ADD1: variants seen among roughly 807,000 people sequenced by gnomAD.
ADD1 encodes the protein adducin 1.
Under a neutral mutation model 80.5 loss-of-function variants are expected in ADD1, and 24 were observed. The ratio of observed to expected loss-of-function variants is 0.30; its 90% CI spans 0.22 to 0.42. The LOEUF (loss-of-function observed/expected upper bound fraction) is 0.42, where lower values mean the gene tolerates loss of function less well. Ranked by LOEUF, ADD1 falls within the 10% of genes least tolerant of loss-of-function variation. The pLI is 1.00. For missense variants in ADD1, 948 were observed against 1,019.0 expected (o/e 0.93, Z 0.95); for synonymous variants, 373 against 393.8 (o/e 0.95, Z 0.63).
At chr4:2,860,624 A>G (rs1378819394) in intron 1 of ADD1, among the ~76,000 whole-genome samples, 2 of 152,250 alleles carry the variant, frequency 1.3e-5, no homozygotes, top group African/African-American at 4.8e-5. Context: ...AGCTCTGTGA[A>G]TACAGTAGTG....
At chr4:2,892,937 G>C (rs557693276) in intron 4 of ADD1, among the ~76,000 whole-genome samples, 4 of 151,622 alleles carry the variant, frequency 2.6e-5, no homozygotes, top group Admixed American at 2.6e-4. Flanking sequence ...ATTTTTTTGA[G>C]ACAGGGTCTT....
intron 14 of ADD1, among the ~76,000 whole-genome samples, chr4:2,918,761 A>G (rs972023840): frequency 6.6e-6 from 1 of 151,816 alleles, no homozygotes; most frequent in African/African-American, 2.4e-5. Context: ...TTCTGCGTCT[A>G]TTGAGATAAT....
At chr4:2,928,093 G>A (rs1468069485) in intron 15 of ADD1, 78 bp from the exon 16 acceptor site, 6 of 1,310,244 alleles carry the variant, frequency 4.6e-6, no homozygotes, top group East Asian at 4.6e-5. Context: ...AGTTTCGTGT[G>A]TGGGGCTCCC....
chr4:2,928,326 G>GC lies in ADD1; in HGVS notation c.2207dup (p.Thr737TyrfsTer2). 6.2e-7 allele frequency: 1 copy of GC among 1,613,900 alleles called. No homozygotes were observed. The highest frequency in any genetic ancestry group is 1.7e-5 in the Admixed American group (1 of 60,008). On this transcript the variant is annotated frameshift_variant, in exon 16 of 16. Coordinates refer to ENST00000683351, the MANE Select transcript of ADD1 (RefSeq NM_001354761.2). LOFTEE classifies it high-confidence loss of function. Reference sequence around the variant, plus strand: ...CCATAGACCCCCAAGCCCCACTGAGGCCCCTACTGAGGCCAGCCCCGAGCC... The same window carrying GC: ...CCATAGACCCCCAAGCCCCACTGAGGCCCCCTACTGAGGCCAGCCCCGAGCC...
intron 13 of ADD1, among the ~76,000 whole-genome samples, chr4:2,912,488 A>G (rs1166054903): frequency 6.6e-6 from 1 of 152,098 alleles, no homozygotes; most frequent in Non-Finnish European, 1.5e-5. Flanking sequence ...AAAATTGGGA[A>G]CAAGGGTTTT....
chr4:2,918,859 T>G (rs1028449252), intron 14 of ADD1, among the ~76,000 whole-genome samples: 4 of 151,956 alleles, frequency 2.6e-5, no homozygotes, highest in Non-Finnish European at 5.9e-5. Flanking sequence ...GTTTTTTTTT[T>G]TTTCTTTCCT....
intron 1 of ADD1, among the ~76,000 whole-genome samples, chr4:2,849,167 C>G (rs1038367082): frequency 6.6e-6 from 1 of 152,180 alleles, no homozygotes; most frequent in African/African-American, 2.4e-5. Context: ...TAGTCCCTAT[C>G]TTACATGGTT....
intron 2 of ADD1, chr4:2,881,575 C>T (rs1007671167): frequency 1.1e-4 from 22 of 199,530 alleles, no homozygotes; most frequent in African/African-American, 5.1e-4. Context: ...TTGATTGAAA[C>T]GTAGGATGTT....
At chr4:2,853,616 T>A (rs963233767) in intron 1 of ADD1, 4 of 152,150 alleles carry the variant, frequency 2.6e-5, no homozygotes, top group Non-Finnish European at 5.9e-5. Flanking sequence ...TGTTTTTTTT[T>A]CTTTCAGACT....
chr4:2,903,102 GAGC>G (rs953677599), intron 9 of ADD1, among the ~76,000 whole-genome samples: 2 of 151,944 alleles, frequency 1.3e-5, no homozygotes, highest in African/African-American at 4.8e-5. Context: ...CCCCAAAAAA[GAGC>G]AGTACCCAGA....
intron 1 of ADD1, among the ~76,000 whole-genome samples, chr4:2,847,256 A>G (rs1726374477): frequency 6.6e-6 from 1 of 151,126 alleles, no homozygotes; most frequent in Non-Finnish European, 1.5e-5. Context: ...CCTCATCTCT[A>G]CTAAAAATAC....
At chr4:2,925,090 G>C (rs1338517662) in intron 14 of ADD1, among the ~76,000 whole-genome samples, 1 of 152,198 alleles carries the variant, frequency 6.6e-6, no homozygotes, top group Non-Finnish European at 1.5e-5. Context: ...GGTCTGATCT[G>C]GCCCTTGGCA....
At chr4:2,869,006 T>C (rs914488525) in intron 1 of ADD1, among the ~76,000 whole-genome samples, 2 of 152,222 alleles carry the variant, frequency 1.3e-5, no homozygotes, top group African/African-American at 4.8e-5. Flanking sequence ...TTGACTGCGC[T>C]CACTCTGCTG....
At chr4:2,864,827 T>G (rs1729313358) in intron 1 of ADD1, among the ~76,000 whole-genome samples, 1 of 152,176 alleles carries the variant, frequency 6.6e-6, no homozygotes, top group South Asian at 2.1e-4. Flanking sequence ...GAGTTTTTGG[T>G]TTTTTAAGAG....
intron 1 of ADD1, among the ~76,000 whole-genome samples, chr4:2,847,775 GA>G (rs1229673051): frequency 6.6e-6 from 1 of 152,200 alleles, no homozygotes; most frequent in Non-Finnish European, 1.5e-5. Flanking sequence ...GAACGGCGGG[GA>G]CAGCTTGAAG....
chr4:2,850,833 G>A (rs1023631755), intron 1 of ADD1, among the ~76,000 whole-genome samples: 4 of 152,174 alleles, frequency 2.6e-5, no homozygotes, highest in African/African-American at 7.2e-5. Flanking sequence ...GCCTCCCAAA[G>A]TGCTGGGATT....
intron 1 of ADD1, among the ~76,000 whole-genome samples, chr4:2,860,342 C>T (rs1728666719): frequency 6.6e-6 from 1 of 152,080 alleles, no homozygotes; most frequent in African/African-American, 2.4e-5. Context: ...GATACAAAAC[C>T]CAATTTGATA....
chr4:2,845,781 T>A (rs1442853748), intron 1 of ADD1, among the ~76,000 whole-genome samples: 1 of 152,244 alleles, frequency 6.6e-6, no homozygotes, highest in Non-Finnish European at 1.5e-5. Context: ...AGTTTTTAGT[T>A]CTTATAGTCT....
In ADD1 at chr4:2,861,349, A is replaced by C. The variant is rs1310959684; in HGVS notation, c.-20-14547A>C. Among the ~76,000 whole-genome samples, 5 of 152,348 alleles carry C rather than the reference A, an allele frequency of 3.3e-5. No homozygotes were observed. The East Asian group carries it at 9.6e-4, about 29-fold the overall frequency. ...TGGCCTCCCAAAGTGCTGGGATTAC[A>C]GGCATGAGCTACCACTCCCAAATTA... On this transcript the variant is annotated intron_variant, in intron 1 of 15. Transcript: ENST00000683351.
Sources: gnomAD v4.1 joint callset for allele counts (sites outside exome capture counted in the v4.1 genomes callset) on GRCh38, gnomAD v4.1.1 for gene constraint, MANE v1.5 for transcripts, NCBI Gene and HGNC (gene_info 2026-07-23, HGNC 2026-07-21) for gene names.